The following PDE3A variants were observed in gnomAD, a reference collection of about 807,000 sequenced individuals.
PDE3A encodes cGMP-inhibited 3',5'-cyclic phosphodiesterase 3A.
Under a neutral mutation model 98.3 loss-of-function variants are expected in PDE3A, and 43 were observed. The observed-to-expected ratio is 0.44, with a 90% confidence interval of 0.34 to 0.56. The LOEUF (loss-of-function observed/expected upper bound fraction) is 0.56. PDE3A is among the 20% of genes least tolerant of loss of function. PDE3A has a pLI of 0.01. For synonymous variants in PDE3A, 663 were observed against 567.9 expected, an observed-to-expected ratio of 1.17 and a Z score of -2.38; for missense variants, 1,427 against 1,440.7, an observed-to-expected ratio of 0.99 and a Z score of 0.15.
At chr12:20,603,702 A>G (rs1943648006) in intron 2 of PDE3A, among the ~76,000 whole-genome samples, 1 of 152,196 alleles carries the variant, frequency 6.6e-6, no homozygotes, top group Non-Finnish European at 1.5e-5. Flanking sequence ...CTTTCTCAAC[A>G]ACAATGTTTC....
At chr12:20,665,959 CT>C (rs35859257) in intron 15 of PDE3A, among the ~76,000 whole-genome samples, 9,667 of 94,990 alleles carry the variant, frequency 0.1, 102 homozygotes, top group Middle Eastern at 0.17. Context: ...TTTGTCATTT[CT>C]TTTTTTTTTT....
intron 6 of PDE3A, among the ~76,000 whole-genome samples, chr12:20,630,945 G>A (rs188917236): frequency 1.1e-3 from 165 of 151,946 alleles, no homozygotes; most frequent in African/African-American, 3.8e-3. Flanking sequence ...GTAACTTGTT[G>A]GTTTTCTAGT....
chr12:20,637,580 G>C (rs1944547660), intron 9 of PDE3A, among the ~76,000 whole-genome samples: 1 of 152,102 alleles, frequency 6.6e-6, no homozygotes, highest in Non-Finnish European at 1.5e-5. Flanking sequence ...CCTATTTAGA[G>C]ATACTAATTT....
intron 15 of PDE3A, among the ~76,000 whole-genome samples, chr12:20,671,195 T>A (rs904031697): frequency 6.8e-6 from 1 of 147,986 alleles, no homozygotes; most frequent in South Asian, 2.1e-4. Context: ...TCTGAAATTG[T>A]GGCAATAATC....
intron 1 of PDE3A, among the ~76,000 whole-genome samples, chr12:20,377,930 G>A (rs781150877): frequency 2.0e-5 from 3 of 151,592 alleles, no homozygotes; most frequent in Non-Finnish European, 4.4e-5. Context: ...TCTATAATTG[G>A]GTTATCTAAT....
rs538482764 is a variant in PDE3A at position 20,514,184 on chromosome 12, G to C, written c.961-42476G>C. On this transcript the variant is annotated intron_variant, in intron 1 of 15. Transcript: ENST00000359062. ...TCAAAGAAGATATCAAAATTTGCAA[G>C]GCATAATCAAATAAGGCAATTAACA... Among the ~76,000 whole-genome samples, 85 of 152,282 alleles carry C rather than the reference G, an allele frequency of 5.6e-4. 1 individual carries two copies. The highest frequency in any genetic ancestry group is 2.0e-3 in the African/African-American group (83 of 41,562).
chr12:20,386,196 T>TATATATAAATATATATAA (rs1943794887), intron 1 of PDE3A, among the ~76,000 whole-genome samples: 1 of 73,884 alleles, frequency 1.4e-5, no homozygotes, highest in South Asian at 4.3e-4. Context: ...TATATATAAA[T>TATATATAAATATATATAA]ATATAAAAAT....
At chr12:20,479,939 T>C (rs1945594495) in intron 1 of PDE3A, among the ~76,000 whole-genome samples, 1 of 152,202 alleles carries the variant, frequency 6.6e-6, no homozygotes, top group African/African-American at 2.4e-5. Flanking sequence ...CCTGAAGTCC[T>C]CAAATATTTA....
At chr12:20,564,681 C>G (rs754211424) in intron 2 of PDE3A, among the ~76,000 whole-genome samples, 28 of 152,094 alleles carry the variant, frequency 1.8e-4, no homozygotes, top group Admixed American at 4.6e-4. Flanking sequence ...ATTACAGGCC[C>G]TGGTCTCTTA....
At chr12:20,410,138 T>C (rs1437309843) in intron 1 of PDE3A, among the ~76,000 whole-genome samples, 1 of 152,206 alleles carries the variant, frequency 6.6e-6, no homozygotes, top group African/African-American at 2.4e-5. Context: ...CTCATTTTCA[T>C]ATTCCTTAAA....
intron 4 of PDE3A, among the ~76,000 whole-genome samples, chr12:20,620,991 C>T (rs1452000652): frequency 6.6e-6 from 1 of 151,944 alleles, no homozygotes; most frequent in Admixed American, 6.6e-5. Context: ...CTGTGAGGAA[C>T]GTAATTTTAG....
intron 1 of PDE3A, among the ~76,000 whole-genome samples, chr12:20,475,545 G>T (rs146493388): frequency 2.0e-5 from 3 of 151,904 alleles, no homozygotes; most frequent in Non-Finnish European, 4.4e-5. Context: ...CCTGGCCAAC[G>T]TGGTGAAACC....
intron 1 of PDE3A, among the ~76,000 whole-genome samples, chr12:20,532,463 C>T (rs1321735574): frequency 7.9e-5 from 12 of 152,154 alleles, no homozygotes; most frequent in African/African-American, 2.7e-4. Context: ...TAAATATACC[C>T]ATTTATGGTA....
chr12:20,498,901 G>A (rs1321138322), intron 1 of PDE3A, among the ~76,000 whole-genome samples: 1 of 151,994 alleles, frequency 6.6e-6, no homozygotes, highest in East Asian at 1.9e-4. Flanking sequence ...ATGCAAAAAG[G>A]AACAGCAGTA....
intron 1 of PDE3A, among the ~76,000 whole-genome samples, chr12:20,390,577 G>A (rs924933572): frequency 1.8e-4 from 17 of 92,730 alleles, no homozygotes; most frequent in Non-Finnish European, 1.4e-4. Context: ...AGATAGTGGC[G>A]CTGGTCACTG....
intron 1 of PDE3A, among the ~76,000 whole-genome samples, chr12:20,496,588 T>TC (rs917353357): frequency 1.3e-5 from 2 of 151,972 alleles, no homozygotes; most frequent in Non-Finnish European, 2.9e-5. Flanking sequence ...TCTTTTGGGA[T>TC]CCATACTAAG....
intron 2 of PDE3A, among the ~76,000 whole-genome samples, chr12:20,569,297 A>G (rs1372816403): frequency 6.6e-6 from 1 of 152,094 alleles, no homozygotes; most frequent in Non-Finnish European, 1.5e-5. Context: ...GATATTATGT[A>G]TTGCTTCACT....
At chr12:20,659,998 C>G (rs1041813660) in intron 15 of PDE3A, among the ~76,000 whole-genome samples, 1 of 151,854 alleles carries the variant, frequency 6.6e-6, no homozygotes, top group Non-Finnish European at 1.5e-5. Flanking sequence ...TGGCTGTGTT[C>G]CCACCCAACC....
At chr12:20,657,431 T>C (rs1205361878) in intron 15 of PDE3A, among the ~76,000 whole-genome samples, 1 of 152,136 alleles carries the variant, frequency 6.6e-6, no homozygotes, top group Non-Finnish European at 1.5e-5. Context: ...AAAATAAATA[T>C]GCACAGATAA....
Sources: gnomAD v4.1 joint callset for allele counts (sites outside exome capture counted in the v4.1 genomes callset) on GRCh38, gnomAD v4.1.1 for gene constraint, MANE v1.5 for transcripts, NCBI Gene and HGNC (gene_info 2026-07-23, HGNC 2026-07-21) for gene names.